DENND6B: variants seen among roughly 807,000 people sequenced by gnomAD.
The protein encoded by DENND6B is protein DENND6B.
Under a neutral mutation model 85.1 loss-of-function variants are expected in DENND6B, and 73 were observed. The observed-to-expected ratio is 0.86, with a 90% CI of 0.71 to 1.04. The LOEUF (loss-of-function observed/expected upper bound fraction) is 1.04. Among genes scored for constraint, DENND6B ranks in the 50% least tolerant of loss-of-function variants. The pLI is 0.00. For synonymous variants in DENND6B, 357 were observed against 329.3 expected (o/e 1.08, Z -0.91); for missense variants, 715 against 785.8 (o/e 0.91, Z 1.08).
At chr22:50,326,034 C>G (rs1215070217) in intron 1 of DENND6B, among the ~76,000 whole-genome samples, 1 of 152,266 alleles carries the variant, frequency 6.6e-6, no homozygotes, top group Non-Finnish European at 1.5e-5. Context: ...CTCCCTCCAT[C>G]TGCAGGTGGG....
At position 50,313,644 on chromosome 22, in the gene DENND6B, G is replaced by A; in HGVS notation, c.1284C>T (p.Ile428=). 6.3e-7 allele frequency: 1 copy of A among 1,586,802 alleles called. No homozygotes were observed. Among genetic ancestry groups the A allele is most frequent in the Non-Finnish European group, 8.6e-7 (1 of 1,169,584 alleles). The change falls in exon 15 of 20, where the codon ATC becomes ATT. Residue 428 remains isoleucine, a synonymous_variant. Transcript: ENST00000413817. ...RHLLELTQSF[I]IPLEHYMASL... ...CAGCCCCGGGCCTCACCAGGGGGAT[G>A]ATGAAGCTCTGGGTGAGCTCCAGGA...
Position 50,310,514 on chromosome 22 carries a change from T to C in DENND6B, c.*1625A>G, listed in dbSNP as rs67286232. 0.53 allele frequency: 80,621 copies of C among 152,108 alleles called. 22,016 individuals carry two copies. The highest frequency in any genetic ancestry group is 0.66 in the African/African-American group (27,548 of 41,472). 9.4% of individuals were successfully genotyped at this position (152,108 alleles called of 1,614,324 possible). ...CCGCTGTCCTTGTGGCTCAGTCACA[T>C]CCTGCACTGAAGTGGCTGGCAGTGC... On this transcript the variant is annotated 3_prime_UTR_variant, in exon 20 of 20. Transcript: ENST00000413817.
intron 1 of DENND6B, chr22:50,319,446 C>G (rs2041970857): frequency 1.0e-6 from 1 of 985,310 alleles, no homozygotes; most frequent in Non-Finnish European, 1.2e-6. Flanking sequence ...ACCTCTTGCC[C>G]AGACTGCAGT....
At chr22:50,324,064 G>A (rs535857981) in intron 1 of DENND6B, among the ~76,000 whole-genome samples, 6 of 152,160 alleles carry the variant, frequency 3.9e-5, no homozygotes, top group Admixed American at 1.3e-4. Flanking sequence ...CTGAGAAGGC[G>A]GAGCCAGGCC....
rs1016015379 is a variant in DENND6B at position 50,317,596 on chromosome 22, C to T, written c.373-223G>A. Reference sequence around the variant, plus strand: ...ACCCCTGCTGATACAGCAGGGAGTCCGCTGGTGTAGTGGAGAGGGGCTCGG... The same window carrying T: ...ACCCCTGCTGATACAGCAGGGAGTCTGCTGGTGTAGTGGAGAGGGGCTCGG... On this transcript the variant is annotated intron_variant, in intron 4 of 19. Coordinates refer to ENST00000413817, the MANE Select transcript of DENND6B (RefSeq NM_001001794.4). Among the ~76,000 whole-genome samples the T allele has an allele frequency of 9.9e-5, 15 of 152,002 alleles. No homozygotes were observed. The East Asian group carries it at 1.4e-3, about 14-fold the overall frequency.
At chr22:50,326,592 G>T (rs532835753) in intron 1 of DENND6B, among the ~76,000 whole-genome samples, 14 of 152,352 alleles carry the variant, frequency 9.2e-5, no homozygotes, top group African/African-American at 3.4e-4. Flanking sequence ...TATGCAAAAT[G>T]CTCCATCCCA....
rs756445824 is a variant in DENND6B, at chr22:50,313,890, G to C, written c.1139-12C>G. 6.2e-7 allele frequency: 1 copy of C among 1,602,962 alleles called. No homozygotes were observed. The highest frequency in any genetic ancestry group is 8.5e-7 in the Non-Finnish European group (1 of 1,176,754). ...AGCGGTGTAGAGGCCTGGCGGGAGGGCACAGCTGGCGCCCCACCCTTCAAG... is the reference window on the plus strand; with the variant it reads ...AGCGGTGTAGAGGCCTGGCGGGAGGCCACAGCTGGCGCCCCACCCTTCAAG... On this transcript the variant is annotated splice_polypyrimidine_tract_variant and intron_variant, in intron 13 of 19. Transcript: ENST00000413817.
At chr22:50,314,105 G>A in intron 13 of DENND6B, 102 bp downstream of exon 13, 2 of 1,405,426 alleles carry the variant, frequency 1.4e-6, no homozygotes, top group Non-Finnish European at 1.9e-6. Flanking sequence ...CCTGGAAGAG[G>A]ATCAGGGGTC....
chr22:50,319,186 A>T, intron 1 of DENND6B, 183 bp from the exon 2 acceptor site: 3 of 1,511,958 alleles, frequency 2.0e-6, no homozygotes, highest in South Asian at 2.5e-5. Flanking sequence ...CATCCTCCCC[A>T]CACCATATTC....
Position 50,314,837 on chromosome 22 carries a change from C to T in DENND6B, c.843G>A (p.Ser281=), listed in dbSNP as rs756217577. 29 of 1,610,864 alleles carry T rather than the reference C, an allele frequency of 1.8e-5. No homozygotes were observed. Among genetic ancestry groups the T allele is most frequent in the South Asian group, 5.5e-5 (5 of 90,652 alleles). ...GCACCATCTCCGAGGACACGTCGGG[C>T]GAGGGTGCCAGGACTAGCAGGGGCT... ...LGEPLLVLAP[S]PDVSSEMVLA... The change falls in exon 10 of 20, where the codon TCG becomes TCA. Residue 281 remains serine, a synonymous_variant. Coordinates refer to ENST00000413817, the MANE Select transcript of DENND6B (RefSeq NM_001001794.4).
chr22:50,324,675 C>T (rs537295635), intron 1 of DENND6B, among the ~76,000 whole-genome samples: 2 of 152,180 alleles, frequency 1.3e-5, no homozygotes, highest in South Asian at 2.1e-4. Flanking sequence ...CTGTCCGCCT[C>T]GGCCTCCCAA....
intron 1 of DENND6B, among the ~76,000 whole-genome samples, chr22:50,325,586 C>T (rs2042168136): frequency 6.6e-6 from 1 of 152,124 alleles, no homozygotes; most frequent in Non-Finnish European, 1.5e-5. Context: ...CTGCCTGCCT[C>T]GGCCTCTCAA....
chr22:50,313,171 C>T lies in DENND6B; in HGVS notation c.1348-63G>A, dbSNP rs1037576536. ...GCCTCACAGGCCTGCACCCGGTACG[C>T]TTCCCAGACACACTCCTCACCACTT... On this transcript the variant is annotated intron_variant, in intron 16 of 19. Transcript: ENST00000413817. 20 of 1,453,212 alleles carry T rather than the reference C, an allele frequency of 1.4e-5. No individual in the cohort carries two copies. In the South Asian group the frequency reaches 2.5e-4, roughly 18 times the overall value. 90.0% of individuals were successfully genotyped at this position (1,453,212 alleles called of 1,614,324 possible).
At chr22:50,318,942 T>C in intron 2 of DENND6B, 23 bp downstream of exon 2, 1 of 1,609,642 alleles carries the variant, frequency 6.2e-7, no homozygotes, top group Non-Finnish European at 8.5e-7. Flanking sequence ...GTCCTGTCCA[T>C]TCCCAAGAGG....
In DENND6B at chr22:50,310,014, G is replaced by C. The variant is rs1006496909; in HGVS notation, c.*2125C>G. ...CTCAGGGGGCTGGTCACCAGCATAA[G>C]GCTTTTGCAGAGGGCCCTGGTGGAG... On this transcript the variant is annotated 3_prime_UTR_variant, in exon 20 of 20. Coordinates refer to ENST00000413817, the MANE Select transcript of DENND6B (RefSeq NM_001001794.4). 1.3e-5 allele frequency: 2 copies of C among 152,286 alleles called. No individual in the cohort carries two copies. The highest frequency in any genetic ancestry group is 2.9e-5 in the Non-Finnish European group (2 of 68,074). The allele number at this position is 152,286 out of a possible 1,614,324, so 9.4% of individuals were successfully genotyped here. A position where few individuals can be genotyped will look rare whatever the true frequency, so the allele number is the denominator to read the frequency against.
At chr22:50,312,447 C>T (rs773951541) in intron 18 of DENND6B, 30 bp from the exon 19 acceptor site, 1 of 1,600,230 alleles carries the variant, frequency 6.2e-7, no homozygotes, top group South Asian at 1.1e-5. Context: ...CTACTGTCAG[C>T]AAGGCCCCTC....
Position 50,311,369 on chromosome 22 carries a change from G to C in DENND6B, c.*770C>G, listed in dbSNP as rs1468507757. The stretch of plus-strand genomic sequence containing the variant: ...GCCGAAGTCCAGAGCCCCTTGGGCT[G>C]CATGTGGGGGATGGACGGACACACT... On this transcript the variant is annotated 3_prime_UTR_variant, in exon 20 of 20. Coordinates refer to ENST00000413817, the MANE Select transcript of DENND6B (RefSeq NM_001001794.4). 1 of 152,302 alleles carries C rather than the reference G, an allele frequency of 6.6e-6. No homozygotes were observed. The highest frequency in any genetic ancestry group is 1.5e-5 in the Non-Finnish European group (1 of 68,088). The allele number at this position is 152,302 out of a possible 1,614,324, so 9.4% of individuals were successfully genotyped here.
intron 5 of DENND6B, 27 bp from the exon 6 acceptor site, chr22:50,316,502 GC>G (rs907699779): frequency 9.0e-6 from 14 of 1,555,220 alleles, no homozygotes; most frequent in Non-Finnish European, 1.2e-5. Context: ...CCAGTTAGAG[GC>G]CCAGTGCCAG....
intron 8 of DENND6B, 64 bp from the exon 9 acceptor site, chr22:50,315,833 C>A: frequency 6.8e-7 from 1 of 1,479,230 alleles, no homozygotes; most frequent in East Asian, 2.4e-5. Context: ...CCCCAAGCAG[C>A]CCCTGCCTCA....
Sources: allele counts gnomAD v4.1 joint callset (sites outside exome capture counted in the v4.1 genomes callset), GRCh38; gene constraint gnomAD v4.1.1; transcripts MANE v1.5; gene names NCBI Gene and HGNC (gene_info 2026-07-23, HGNC 2026-07-21).